Variants in FLT3 observed in about 807,000 individuals in gnomAD.
FLT3 encodes receptor-type tyrosine-protein kinase FLT3.
A neutral mutation model predicts 126.6 loss-of-function variants in FLT3; 46 were observed. The observed-to-expected ratio is 0.36, with a 90% CI of 0.29 to 0.46. The LOEUF (loss-of-function observed/expected upper bound fraction) is 0.46, where lower values mean the gene tolerates loss of function less well. Among genes scored for constraint, FLT3 ranks in the 20% least tolerant of loss-of-function variants. The pLI is 1.00. For missense variants in FLT3, 1,069 were observed against 1,190.3 expected (o/e 0.90, Z 1.50); for synonymous variants, 404 against 434.4 (o/e 0.93, Z 0.87).
At chr13:28,070,688 A>T in intron 1 of FLT3, 76 bp from the exon 2 acceptor site, 1 of 1,146,340 alleles carries the variant, frequency 8.7e-7, no homozygotes, top group Non-Finnish European at 1.2e-6. Context: ...TCTTGCAACC[A>T]AACAACAAAA....
chr13:28,077,609 C>CAGTCAA (rs1288583944), intron 1 of FLT3, among the ~76,000 whole-genome samples: 4 of 152,128 alleles, frequency 2.6e-5, no homozygotes, highest in African/African-American at 9.7e-5. Flanking sequence ...GGTGGTGACA[C>CAGTCAA]AGTCAAACCA....
intron 9 of FLT3, among the ~76,000 whole-genome samples, chr13:28,047,472 G>T (rs1309580918): frequency 1.3e-5 from 2 of 152,140 alleles, no homozygotes; most frequent in African/African-American, 4.8e-5. Context: ...CACTTTGGGA[G>T]GCCCAGGTAG....
At chr13:28,057,145 C>T (rs1224403705) in intron 4 of FLT3, among the ~76,000 whole-genome samples, 5 of 152,158 alleles carry the variant, frequency 3.3e-5, no homozygotes, top group South Asian at 2.1e-4. Flanking sequence ...TGAGAGCCCA[C>T]GGCACACATC....
At chr13:28,070,204 A>G (rs1877380052) in intron 2 of FLT3, among the ~76,000 whole-genome samples, 1 of 152,220 alleles carries the variant, frequency 6.6e-6, no homozygotes, top group African/African-American at 2.4e-5. Flanking sequence ...TATTAGTGAG[A>G]GTCTTGGAAC....
intron 4 of FLT3, among the ~76,000 whole-genome samples, chr13:28,056,874 T>C (rs1876054529): frequency 6.6e-6 from 1 of 152,200 alleles, no homozygotes; most frequent in Non-Finnish European, 1.5e-5. Context: ...ACAGACAAGA[T>C]CATTTTCATC....
At chr13:28,023,247 G>T in intron 19 of FLT3, 103 bp downstream of exon 19, 1 of 1,242,906 alleles carries the variant, frequency 8.0e-7, no homozygotes, top group Non-Finnish European at 1.1e-6. Context: ...GGGGAGAAAA[G>T]GCAGACTTTA....
intron 23 of FLT3, among the ~76,000 whole-genome samples, chr13:28,011,696 T>TTCC: frequency 1.2e-5 from 1 of 82,658 alleles, no homozygotes; most frequent in Non-Finnish European, 2.8e-5. Flanking sequence ...CCTTCCTTCC[T>TTCC]TTCTTTCTCT....
chr13:28,009,017 C>T (rs776974410), intron 23 of FLT3, among the ~76,000 whole-genome samples: 2 of 152,060 alleles, frequency 1.3e-5, no homozygotes, highest in South Asian at 2.1e-4. Context: ...CTCTCCTTTG[C>T]CCATATTGGA....
In FLT3 at chr13:28,035,686, A is replaced by T. The variant is rs1297381029; in HGVS notation, c.1419-13T>A. The stretch of plus-strand genomic sequence containing the variant: ...CTCTTCTGTGCAGCTGAAAAAAAAA[A>T]TAGCAAAGAATTTAGACAGGTGAGC... On this transcript the variant is annotated splice_polypyrimidine_tract_variant and intron_variant, in intron 11 of 23. Transcript: ENST00000241453. The T allele has an allele frequency of 1.3e-6, 2 of 1,595,942 alleles. No homozygotes were observed. Among genetic ancestry groups the T allele is most frequent in the African/African-American group, 1.4e-5 (1 of 73,512 alleles).
At chr13:28,018,362 G>A (rs1197234472) in intron 20 of FLT3, 105 bp downstream of exon 20, 49 of 1,322,056 alleles carry the variant, frequency 3.7e-5, no homozygotes, top group Non-Finnish European at 4.9e-5. Flanking sequence ...GTTTTTTGAT[G>A]TTACCATAAA....
intron 9 of FLT3, among the ~76,000 whole-genome samples, chr13:28,044,114 C>A (rs193272213): frequency 3.3e-5 from 5 of 150,934 alleles, no homozygotes; most frequent in Admixed American, 3.3e-4. Flanking sequence ...CCACTGCACT[C>A]TAGCCTGGGT....
chr13:28,092,574 C>T (rs1212292056), intron 1 of FLT3, among the ~76,000 whole-genome samples: 1 of 152,034 alleles, frequency 6.6e-6, no homozygotes, highest in Non-Finnish European at 1.5e-5. Flanking sequence ...ATTCTCAGCT[C>T]CACATCTCTA....
chr13:28,095,154 C>G (rs1048257130), intron 1 of FLT3, among the ~76,000 whole-genome samples: 4 of 152,044 alleles, frequency 2.6e-5, no homozygotes, highest in African/African-American at 9.7e-5. Context: ...AACAAAAAAC[C>G]AAAAAGCTCT....
At chr13:28,034,921 G>A (rs1873692099) in intron 12 of FLT3, among the ~76,000 whole-genome samples, 1 of 144,028 alleles carries the variant, frequency 6.9e-6, no homozygotes, top group African/African-American at 2.6e-5. Context: ...CTGCAGCCTG[G>A]GTGACAGAGC....
chr13:28,058,220 C>CCA (rs1593271908), intron 3 of FLT3, among the ~76,000 whole-genome samples: 1 of 127,454 alleles, frequency 7.8e-6, no homozygotes, highest in Non-Finnish European at 1.6e-5. Context: ...AAAAAAAAAA[C>CCA]AAAAAAAAAA....
At chr13:28,097,475 GT>G (rs2137838323) in intron 1 of FLT3, among the ~76,000 whole-genome samples, 1 of 152,192 alleles carries the variant, frequency 6.6e-6, no homozygotes, top group South Asian at 2.1e-4. Context: ...ATAGCTAAGA[GT>G]TACTGAAAGT....
chr13:28,091,288 C>A (rs1385874747), intron 1 of FLT3, among the ~76,000 whole-genome samples: 1 of 120,044 alleles, frequency 8.3e-6, no homozygotes, highest in East Asian at 2.9e-4. Flanking sequence ...GTGGCGCGAT[C>A]TCGGCTCACT....
intron 19 of FLT3, among the ~76,000 whole-genome samples, chr13:28,022,002 G>A (rs1872435924): frequency 6.6e-6 from 1 of 151,986 alleles, no homozygotes; most frequent in Non-Finnish European, 1.5e-5. Context: ...CTCCCAAAGT[G>A]TTGGGATTAC....
At chr13:28,058,714 T>G (rs9943908) in intron 3 of FLT3, among the ~76,000 whole-genome samples, 96 of 152,318 alleles carry the variant, frequency 6.3e-4, no homozygotes, top group African/African-American at 2.1e-3. Context: ...AAATACAGGT[T>G]ATATTCGAGA....
Sources: gnomAD v4.1 joint callset for allele counts (sites outside exome capture counted in the v4.1 genomes callset) on GRCh38, gnomAD v4.1.1 for gene constraint, MANE v1.5 for transcripts, NCBI Gene and HGNC (gene_info 2026-07-23, HGNC 2026-07-21) for gene names.